EYS: variants seen among roughly 807,000 people sequenced by gnomAD.
EYS encodes EGF-like photoreceptor maintenance factor, also known as protein eyes shut homolog.
Under a neutral mutation model 282.1 loss-of-function variants are expected in EYS, and 250 were observed. That is an observed-to-expected ratio of 0.89 (90% CI 0.80 to 0.98). The LOEUF is 0.98. EYS is among the 50% of genes least tolerant of loss of function. The pLI, the probability that EYS is intolerant of heterozygous loss-of-function variation, is 0.00. For missense variants in EYS, 4,016 were observed against 3,709.0 expected, an observed-to-expected ratio of 1.08 and a Z score of -2.15; for synonymous variants, 1,355 against 1,282.9, an observed-to-expected ratio of 1.06 and a Z score of -1.20.
chr6:65,034,448 C>T (rs1158455769), intron 13 of EYS, among the ~76,000 whole-genome samples: 1 of 152,046 alleles, frequency 6.6e-6, no homozygotes, highest in Admixed American at 6.6e-5. Flanking sequence ...GGAAATGGGG[C>T]CTGGTGGGAG....
chr6:63,943,788 C>T (rs1765310142), intron 35 of EYS, among the ~76,000 whole-genome samples: 1 of 152,194 alleles, frequency 6.6e-6, no homozygotes, highest in African/African-American at 2.4e-5. Context: ...ACTATTCTCT[C>T]CATGGATGGA....
chr6:64,653,483 C>T lies in EYS; in HGVS notation c.3444-27238G>A, dbSNP rs547549171. The stretch of plus-strand genomic sequence containing the variant: ...ATACTCAATTTTTAATATTTGGCCA[C>T]ATTTAACCTATAAACGTGGCAATTT... On this transcript the variant is annotated intron_variant, in intron 22 of 42. Transcript: ENST00000503581. Among the ~76,000 whole-genome samples the T allele has an allele frequency of 1.4e-3, 208 of 152,246 alleles. 1 individual carries two copies. Among genetic ancestry groups the T allele is most frequent in the African/African-American group, 4.6e-3 (191 of 41,552 alleles).
At chr6:64,788,292 G>C (rs1583159527) in intron 22 of EYS, among the ~76,000 whole-genome samples, 1 of 152,040 alleles carries the variant, frequency 6.6e-6, no homozygotes, top group South Asian at 2.1e-4. Context: ...TGGGGGAGCT[G>C]GTCCTACCTA....
At chr6:65,042,371 C>A (rs1323625635) in intron 13 of EYS, among the ~76,000 whole-genome samples, 1 of 151,358 alleles carries the variant, frequency 6.6e-6, no homozygotes, top group Non-Finnish European at 1.5e-5. Flanking sequence ...TTATTTTGAT[C>A]ATTGAATTTA....
At position 65,458,002 on chromosome 6, in the gene EYS, C is replaced by T. The variant is rs544225563; in HGVS notation, c.862+32592G>A. Among the ~76,000 whole-genome samples, 47 of 152,222 alleles carry T rather than the reference C, an allele frequency of 3.1e-4. 1 individual carries two copies. In the South Asian group the frequency reaches 8.9e-3, roughly 29 times the overall value. ...CAGGGAGAACCAGGGAGCAATCCTG[C>T]TTCTTAACTCTTCATCCCTCCCCAC... is the stretch of plus-strand genomic sequence containing the variant. On this transcript the variant is annotated intron_variant, in intron 5 of 42. Coordinates refer to ENST00000503581, the MANE Select transcript of EYS (RefSeq NM_001142800.2).
intron 35 of EYS, among the ~76,000 whole-genome samples, chr6:63,934,738 A>G (rs9362274): frequency 0.35 from 44,117 of 127,840 alleles, 6,899 homozygotes; most frequent in Admixed American, 0.46. Flanking sequence ...ATCACACACC[A>G]GGGCCTGTTG....
chr6:64,374,449 C>G (rs547997003), intron 29 of EYS, among the ~76,000 whole-genome samples: 1 of 152,112 alleles, frequency 6.6e-6, no homozygotes, highest in Non-Finnish European at 1.5e-5. Flanking sequence ...GGGATTTTCT[C>G]TATCCCAGTC....
intron 31 of EYS, among the ~76,000 whole-genome samples, chr6:64,220,999 T>C (rs1165521659): frequency 6.6e-6 from 1 of 152,186 alleles, no homozygotes; most frequent in African/African-American, 2.4e-5. Flanking sequence ...AAGTTACTTA[T>C]TATTGAGTTG....
intron 35 of EYS, among the ~76,000 whole-genome samples, chr6:63,966,240 T>C (rs1339333028): frequency 6.6e-6 from 1 of 152,186 alleles, no homozygotes; most frequent in East Asian, 1.9e-4. Context: ...TGGAGACTAT[T>C]ATTCTAAGTG....
chr6:65,434,235 T>C (rs1238785755), intron 5 of EYS, among the ~76,000 whole-genome samples: 1 of 152,000 alleles, frequency 6.6e-6, no homozygotes, highest in African/African-American at 2.4e-5. Flanking sequence ...GCACCAAGTA[T>C]TGTGACATAA....
intron 2 of EYS, among the ~76,000 whole-genome samples, chr6:65,513,791 C>A (rs1766999345): frequency 6.6e-6 from 1 of 151,958 alleles, no homozygotes; most frequent in Non-Finnish European, 1.5e-5. Context: ...GGATGTATCT[C>A]AAAATAATAA....
At chr6:65,280,111 C>T (rs1028612473) in intron 12 of EYS, among the ~76,000 whole-genome samples, 1 of 152,096 alleles carries the variant, frequency 6.6e-6, no homozygotes, top group African/African-American at 2.4e-5. Context: ...CTGCTCTTCT[C>T]AGAGGAGCTT....
chr6:65,172,982 TA>T (rs10542329), intron 12 of EYS, among the ~76,000 whole-genome samples: 35,519 of 145,496 alleles, frequency 0.24, 4,363 homozygotes, highest in African/African-American at 0.29. Context: ...CCTGGAAATT[TA>T]AAAAAAAAAA....
intron 31 of EYS, among the ~76,000 whole-genome samples, chr6:64,190,789 G>T (rs986925864): frequency 6.6e-6 from 1 of 152,108 alleles, no homozygotes; most frequent in Non-Finnish European, 1.5e-5. Flanking sequence ...TTAGGCTGGA[G>T]AAGAATCTTA....
intron 26 of EYS, among the ~76,000 whole-genome samples, chr6:64,585,232 C>T (rs1230722546): frequency 4.6e-5 from 7 of 152,098 alleles, no homozygotes; most frequent in African/African-American, 9.7e-5. Context: ...AAACCAAATA[C>T]TAGATGTTCT....
At chr6:64,298,881 G>T (rs989455032) in intron 30 of EYS, among the ~76,000 whole-genome samples, 1 of 152,048 alleles carries the variant, frequency 6.6e-6, no homozygotes, top group African/African-American at 2.4e-5. Context: ...GAGATTAGGG[G>T]TTGCTAGCTT....
chr6:65,248,906 T>G (rs1276540424), intron 12 of EYS, among the ~76,000 whole-genome samples: 1 of 152,030 alleles, frequency 6.6e-6, no homozygotes, highest in Non-Finnish European at 1.5e-5. Flanking sequence ...TGAAGAAGAA[T>G]AGGAGGTCCT....
At chr6:64,777,317 C>T (rs1318718559) in intron 22 of EYS, among the ~76,000 whole-genome samples, 5 of 151,982 alleles carry the variant, frequency 3.3e-5, no homozygotes, top group Non-Finnish European at 4.4e-5. Flanking sequence ...TTCTTTATAC[C>T]TTAGATTCTC....
chr6:63,989,192 C>A (rs899101395), intron 34 of EYS, among the ~76,000 whole-genome samples: 10 of 151,564 alleles, frequency 6.6e-5, no homozygotes, highest in African/African-American at 2.2e-4. Context: ...TGATGACTTA[C>A]AATTGAAACA....
Sources: gnomAD v4.1 joint callset for allele counts (sites outside exome capture counted in the v4.1 genomes callset) on GRCh38, gnomAD v4.1.1 for gene constraint, MANE v1.5 for transcripts, NCBI Gene and HGNC (gene_info 2026-07-23, HGNC 2026-07-21) for gene names.